PCDHGA6: variants seen among roughly 807,000 people sequenced by gnomAD.
The protein encoded by PCDHGA6 is protocadherin gamma subfamily A, 6, also known as protocadherin gamma-A6.
Under a neutral mutation model 60.6 loss-of-function variants are expected in PCDHGA6, and 41 were observed. The observed-to-expected ratio is 0.68, with a 90% CI of 0.53 to 0.88. PCDHGA6 has a LOEUF of 0.88. Among genes scored for constraint, PCDHGA6 ranks in the 40% least tolerant of loss-of-function variants. The probability of loss-of-function intolerance (pLI) is 0.00; values close to 1 mark genes in which losing one functional copy is unlikely to be tolerated. For synonymous variants in PCDHGA6, 594 were observed against 524.4 expected, an observed-to-expected ratio of 1.13 and a Z score of -1.81; for missense variants, 1,312 against 1,203.0, an observed-to-expected ratio of 1.09 and a Z score of -1.34.
At chr5:141,420,256 TAAG>T (rs749213635) in intron 1 of PCDHGA6, 12 of 1,569,010 alleles carry the variant, frequency 7.6e-6, no homozygotes, top group South Asian at 1.2e-5. Context: ...TTGAAGCAGA[TAAG>T]AAGATTCTTA....
chr5:141,414,866 C>G (rs1413236073), intron 1 of PCDHGA6: 1 of 1,614,230 alleles, frequency 6.2e-7, no homozygotes, highest in Non-Finnish European at 8.5e-7. Flanking sequence ...GACAATGCGC[C>G]CGAGATCCTG....
Position 141,432,097 on chromosome 5 carries a change from C to G in PCDHGA6, c.2424+55590C>G. ...TCTCGCTGAACGTGGCAGACACCAA[C>G]GACAACCCGCCGGTCTTCCCTCAGG... On this transcript the variant is annotated intron_variant, in intron 1 of 3. Transcript: ENST00000517434. This position sits in a 1 kb window ranked among gnomAD's most constrained non-coding sequence, Gnocchi z 6.0. The G allele has an allele frequency of 6.2e-7, 1 of 1,614,184 alleles. No homozygotes were observed.
In PCDHGA6 at chr5:141,511,259, A is replaced by G; in HGVS notation, c.*86A>G. On this transcript the variant is annotated 3_prime_UTR_variant, in exon 4 of 4. Transcript: ENST00000517434. ...ACCTGCACCCAGGCCTCAGAGTTTCAGGGCTAACCCCCAGAATACTGGTAG... is the reference window on the plus strand; with the variant it reads ...ACCTGCACCCAGGCCTCAGAGTTTCGGGGCTAACCCCCAGAATACTGGTAG... 1.3e-6 allele frequency: 2 copies of G among 1,559,840 alleles called. No individual in the cohort carries two copies. The highest frequency in any genetic ancestry group is 1.7e-6 in the Non-Finnish European group (2 of 1,152,466).
Position 141,406,695 on chromosome 5 carries a change from A to T in PCDHGA6, c.2424+30188A>T, listed in dbSNP as rs62378452. Among the ~76,000 whole-genome samples, 1,219 of 152,310 alleles carry T rather than the reference A, an allele frequency of 8.0e-3. 8 individuals are homozygous for T. Among genetic ancestry groups the T allele is most frequent in the Non-Finnish European group, 0.011 (770 of 68,010 alleles). Reference sequence around the variant, plus strand: ...GAATAGTAGGACATTCTTCTTTTCTATAGTATATGCTTGCTCAAGAGAAGT... The same window carrying T: ...GAATAGTAGGACATTCTTCTTTTCTTTAGTATATGCTTGCTCAAGAGAAGT... On this transcript the variant is annotated intron_variant, in intron 1 of 3. Coordinates refer to ENST00000517434, the MANE Select transcript of PCDHGA6 (RefSeq NM_018919.3).
At chr5:141,446,718 C>T (rs1279970040) in intron 1 of PCDHGA6, among the ~76,000 whole-genome samples, 4 of 152,174 alleles carry the variant, frequency 2.6e-5, no homozygotes, top group South Asian at 2.1e-4. Flanking sequence ...CTGCCCGCCT[C>T]GGCCTCCCAA....
At chr5:141,403,591 G>C in intron 1 of PCDHGA6, 2 of 1,613,836 alleles carry the variant, frequency 1.2e-6, no homozygotes, top group South Asian at 1.1e-5. Flanking sequence ...TGGTCCTCAC[G>C]GCCTCGGATG....
In PCDHGA6 at chr5:141,374,592, T is replaced by C; in HGVS notation, c.509T>C (p.Phe170Ser). 6.2e-7 allele frequency: 1 copy of C among 1,613,700 alleles called. No individual in the cohort carries two copies. The highest frequency in any genetic ancestry group is 1.7e-5 in the Admixed American group (1 of 60,022). The part of the protein sequence containing the change: ...PDVGMNSLQG[F>S]KLSGNSHFSV... ...GTGGGAATGAACTCCCTTCAGGGAT[T>C]TAAGCTCAGTGGTAATAGTCACTTC... The change falls in exon 1 of 4, where the codon TTT (phenylalanine) becomes TCT (serine). Residue 170 changes from phenylalanine to serine, a missense_variant. Transcript: ENST00000517434.
intron 1 of PCDHGA6, chr5:141,412,090 T>C (rs1008718786): frequency 3.3e-5 from 5 of 152,218 alleles, no homozygotes; most frequent in Admixed American, 2.0e-4. Flanking sequence ...ACTGGGTTGA[T>C]GGGCACACAC....
At chr5:141,450,772 C>T (rs544188262) in intron 1 of PCDHGA6, among the ~76,000 whole-genome samples, 1 of 151,944 alleles carries the variant, frequency 6.6e-6, no homozygotes, top group African/African-American at 2.4e-5. Flanking sequence ...CAGGCATGAG[C>T]CACCGTGCCC....
At chr5:141,384,440 T>C (rs766102464) in intron 1 of PCDHGA6, 6 of 1,614,046 alleles carry the variant, frequency 3.7e-6, no homozygotes, top group Non-Finnish European at 4.2e-6. Context: ...ACTGGAGTCC[T>C]GTACGCGCTG....
intron 1 of PCDHGA6, among the ~76,000 whole-genome samples, chr5:141,406,072 C>CTTT (rs530474569): frequency 7.1e-6 from 1 of 141,484 alleles, no homozygotes. Flanking sequence ...ATTCTTACTC[C>CTTT]TTTTTTTTTT....
At position 141,375,817 on chromosome 5, in the gene PCDHGA6, G is replaced by T. The variant is rs376557886; in HGVS notation, c.1734G>T (p.Ala578=). 8 of 1,614,164 alleles carry T rather than the reference G, an allele frequency of 5.0e-6. No homozygotes were observed. In the African/African-American group the frequency reaches 9.3e-5, roughly 19 times the overall value. ...ACGGTTCCACTGGCGTGGAGCTGGC[G>T]CCCCGCTCCGCAGAGCCCGGCTACC... ...PTDGSTGVEL[A]PRSAEPGYLV... The change falls in exon 1 of 4, where the codon GCG becomes GCT. Residue 578 remains alanine, a synonymous_variant. Coordinates refer to ENST00000517434, the MANE Select transcript of PCDHGA6 (RefSeq NM_018919.3).
At position 141,375,070 on chromosome 5, in the gene PCDHGA6, C is replaced by T. The variant is rs1399275208; in HGVS notation, c.987C>T (p.Asp329=). The T allele has an allele frequency of 1.2e-6, 2 of 1,613,854 alleles. No individual in the cohort carries two copies. Among genetic ancestry groups the T allele is most frequent in the Admixed American group, 1.7e-5 (1 of 60,006 alleles). The change falls in exon 1 of 4, where the codon GAC becomes GAT. Residue 329 remains aspartate (D), a synonymous_variant. Coordinates refer to ENST00000517434, the MANE Select transcript of PCDHGA6 (RefSeq NM_018919.3). ...VEARDGPGLR[D]RAKVLITILD... is the part of the protein sequence containing the mutation. ...CCCGGGATGGGCCAGGTCTTCGAGA[C>T]AGAGCGAAAGTCTTAATAACTATCT...
intron 1 of PCDHGA6, among the ~76,000 whole-genome samples, chr5:141,426,065 G>C (rs1214623774): frequency 1.3e-5 from 2 of 152,184 alleles, no homozygotes; most frequent in East Asian, 3.8e-4. Flanking sequence ...GCAAGAACTG[G>C]AGCCTGGGAT....
In PCDHGA6 at chr5:141,432,654, T is replaced by C. The variant is rs2097525297; in HGVS notation, c.2424+56147T>C. ...GGCGAGGTGCGCACGGCGCGAGCCC[T>C]GCTGGACAGAGACGCGCTCAAGCAG... is the stretch of plus-strand genomic sequence containing the variant. On this transcript the variant is annotated intron_variant, in intron 1 of 3. Transcript: ENST00000517434. This position sits in a 1 kb window ranked among gnomAD's most constrained non-coding sequence, Gnocchi z 6.0. The C allele has an allele frequency of 1.2e-6, 2 of 1,613,816 alleles. No homozygotes were observed. Among genetic ancestry groups the C allele is most frequent in the African/African-American group, 1.3e-5 (1 of 75,034 alleles).
chr5:141,415,845 A>G, intron 1 of PCDHGA6: 1 of 1,246,436 alleles, frequency 8.0e-7, no homozygotes, highest in Non-Finnish European at 1.0e-6. Flanking sequence ...TTAGCTTTGC[A>G]GAACCTTGTA....
chr5:141,499,089 A>G (rs1417307590), intron 2 of PCDHGA6, among the ~76,000 whole-genome samples: 2 of 152,116 alleles, frequency 1.3e-5, no homozygotes, highest in Non-Finnish European at 1.5e-5. Context: ...CCTGCTTGGC[A>G]CATGCTTCTC....
chr5:141,419,103 C>A, intron 1 of PCDHGA6: 1 of 1,613,886 alleles, frequency 6.2e-7, no homozygotes, highest in South Asian at 1.1e-5. Flanking sequence ...CGGGAGCAGA[C>A]CCCAGAGTAC....
rs762121534 is a variant in PCDHGA6, at chr5:141,403,984, A to G, written c.2424+27477A>G. 1.7e-5 allele frequency: 27 copies of G among 1,613,774 alleles called. No homozygotes were observed. The South Asian group carries it at 2.7e-4, about 16-fold the overall frequency. On this transcript the variant is annotated intron_variant, in intron 1 of 3. Coordinates refer to ENST00000517434, the MANE Select transcript of PCDHGA6 (RefSeq NM_018919.3). Reference sequence around the variant, plus strand: ...CGGTGGAAGATGTAAATGACAATAGACCTGAAGTGACCATTACATCTCTGT... The same window carrying G: ...CGGTGGAAGATGTAAATGACAATAGGCCTGAAGTGACCATTACATCTCTGT...
Sources: allele counts gnomAD v4.1 joint callset (sites outside exome capture counted in the v4.1 genomes callset), GRCh38; gene constraint gnomAD v4.1.1; non-coding constraint Gnocchi (gnomAD v3.1); transcripts MANE v1.5; gene names NCBI Gene and HGNC (gene_info 2026-07-23, HGNC 2026-07-21).